Variants in DLG2 observed in about 807,000 individuals in gnomAD.
The protein encoded by DLG2 is discs large MAGUK scaffold protein 2.
Under a neutral mutation model 132.5 loss-of-function variants are expected in DLG2, and 45 were observed. The observed-to-expected ratio is 0.34, with a 90% CI of 0.27 to 0.44. The LOEUF (loss-of-function observed/expected upper bound fraction) is 0.44. DLG2 is among the 20% of genes least tolerant of loss of function. DLG2 has a pLI of 1.00. For missense variants in DLG2, 1,045 were observed against 1,196.9 expected (o/e 0.87, Z 1.87); for synonymous variants, 424 against 419.6 (o/e 1.01, Z -0.13).
intron 19 of DLG2, among the ~76,000 whole-genome samples, chr11:83,583,731 C>T (rs1349351283): frequency 6.6e-6 from 1 of 152,226 alleles, no homozygotes; most frequent in East Asian, 1.9e-4. Context: ...TATTCTCTCA[C>T]ATCACCTTGC....
At chr11:84,712,782 C>T (rs1385873574) in intron 6 of DLG2, among the ~76,000 whole-genome samples, 1 of 152,084 alleles carries the variant, frequency 6.6e-6, no homozygotes, top group Non-Finnish European at 1.5e-5. Flanking sequence ...TGTTATTTTT[C>T]CAACTTCTTG....
intron 3 of DLG2, among the ~76,000 whole-genome samples, chr11:85,516,485 A>C (rs2094171847): frequency 1.3e-5 from 2 of 152,082 alleles, no homozygotes; most frequent in Non-Finnish European, 2.9e-5. Flanking sequence ...AAAAAGAATC[A>C]ACCAAATGAA....
intron 7 of DLG2, among the ~76,000 whole-genome samples, chr11:84,396,943 G>A (rs2098813068): frequency 6.6e-6 from 1 of 152,154 alleles, no homozygotes; most frequent in Non-Finnish European, 1.5e-5. Context: ...ATTTAAGGGG[G>A]TGGAAAAGGT....
At chr11:85,059,413 T>C (rs2063798468) in intron 6 of DLG2, among the ~76,000 whole-genome samples, 3 of 151,526 alleles carry the variant, frequency 2.0e-5, no homozygotes, top group Admixed American at 2.0e-4. Context: ...GTACTACCAG[T>C]TGAATAAATG....
intron 3 of DLG2, among the ~76,000 whole-genome samples, chr11:85,427,384 A>G (rs929440952): frequency 7.9e-5 from 12 of 152,196 alleles, no homozygotes; most frequent in African/African-American, 1.4e-4. Context: ...GAGAAAGGTC[A>G]GGTTACCCAC....
chr11:84,646,444 C>A (rs1406381481), intron 6 of DLG2, among the ~76,000 whole-genome samples: 1 of 151,982 alleles, frequency 6.6e-6, no homozygotes, highest in Non-Finnish European at 1.5e-5. Flanking sequence ...TGACAACTTC[C>A]TTGGACTTTA....
At chr11:84,529,845 A>G (rs964901306) in intron 7 of DLG2, among the ~76,000 whole-genome samples, 39 of 152,224 alleles carry the variant, frequency 2.6e-4, no homozygotes, top group African/African-American at 8.0e-4. Flanking sequence ...GGCAATCCTA[A>G]GCAAAAATAT....
intron 3 of DLG2, among the ~76,000 whole-genome samples, chr11:85,468,464 C>G (rs1466145927): frequency 6.6e-6 from 1 of 152,110 alleles, no homozygotes; most frequent in Non-Finnish European, 1.5e-5. Context: ...TATAGATTTC[C>G]CTCTACACAC....
In DLG2 at chr11:83,791,289, G is replaced by C. The variant is rs1225396979; in HGVS notation, c.1723-4497C>G. ...TGTCCTCATCGGCAGAGCTCCCAGA[G>C]GGTTTGCCCGCCTTGCCTTTTGGCT... On this transcript the variant is annotated intron_variant, in intron 17 of 27. Transcript: ENST00000376104. The C allele has an allele frequency of 3.7e-5, 25 of 677,544 alleles. 1 individual carries two copies. The South Asian group carries it at 4.3e-4, about 12-fold the overall frequency. 42.0% of individuals were successfully genotyped at this position (677,544 alleles called of 1,614,324 possible).
intron 7 of DLG2, among the ~76,000 whole-genome samples, chr11:84,502,568 T>G (rs2099223690): frequency 2.6e-5 from 4 of 151,214 alleles, no homozygotes; most frequent in Admixed American, 1.3e-4. Flanking sequence ...GCTAATTTTT[T>G]GTATTTTTTA....
intron 3 of DLG2, among the ~76,000 whole-genome samples, chr11:85,461,352 T>C (rs1387681954): frequency 6.6e-6 from 1 of 152,244 alleles, no homozygotes; most frequent in Admixed American, 6.5e-5. Flanking sequence ...AAAATAGATA[T>C]TTCTCTTCTT....
chr11:83,780,537 T>C (rs1047613529), intron 18 of DLG2, among the ~76,000 whole-genome samples: 6 of 152,222 alleles, frequency 3.9e-5, no homozygotes, highest in African/African-American at 1.4e-4. Context: ...CCTTGGTTCA[T>C]AGAGGCATCT....
chr11:84,707,029 A>G (rs7941876), intron 6 of DLG2, among the ~76,000 whole-genome samples: 59,341 of 151,620 alleles, frequency 0.39, 13,619 homozygotes, highest in African/African-American at 0.65. Flanking sequence ...GTGCAAAATG[A>G]AACATTTCAG....
chr11:85,559,690 C>A (rs2077121328), intron 3 of DLG2, among the ~76,000 whole-genome samples: 1 of 150,826 alleles, frequency 6.6e-6, no homozygotes, highest in Admixed American at 6.6e-5. Context: ...AGGTAAATAC[C>A]ATGTAAAAAA....
intron 3 of DLG2, among the ~76,000 whole-genome samples, chr11:85,377,475 A>G (rs1233143710): frequency 4.6e-5 from 7 of 152,168 alleles, no homozygotes; most frequent in African/African-American, 1.7e-4. Flanking sequence ...ATGTCTAAAA[A>G]TTCAGATTAT....
intron 6 of DLG2, among the ~76,000 whole-genome samples, chr11:84,978,825 A>G (rs2055305664): frequency 6.6e-6 from 1 of 152,214 alleles, no homozygotes; most frequent in African/African-American, 2.4e-5. Flanking sequence ...GGATCTAATT[A>G]AACTAAAGAG....
intron 21 of DLG2, among the ~76,000 whole-genome samples, chr11:83,510,403 A>G (rs926566664): frequency 6.6e-6 from 1 of 152,060 alleles, no homozygotes; most frequent in Admixed American, 6.6e-5. Flanking sequence ...CAAACCAACA[A>G]ATCAAGTGCA....
At chr11:85,342,837 T>A (rs116430546) in intron 3 of DLG2, among the ~76,000 whole-genome samples, 1 of 152,242 alleles carries the variant, frequency 6.6e-6, no homozygotes, top group Non-Finnish European at 1.5e-5. Context: ...ATAAGTGCTC[T>A]GGCATTTACC....
At chr11:83,796,717 G>GTAGT (rs1226816714) in intron 17 of DLG2, among the ~76,000 whole-genome samples, 1 of 152,140 alleles carries the variant, frequency 6.6e-6, no homozygotes, top group Non-Finnish European at 1.5e-5. Context: ...TGTGCCTACC[G>GTAGT]TAGTGCCTAG....
Sources: gnomAD v4.1 joint callset for allele counts (sites outside exome capture counted in the v4.1 genomes callset) on GRCh38, gnomAD v4.1.1 for gene constraint, MANE v1.5 for transcripts, NCBI Gene and HGNC (gene_info 2026-07-23, HGNC 2026-07-21) for gene names.